ARHGEF11: variants seen among roughly 807,000 people sequenced by gnomAD.
The protein encoded by ARHGEF11 is Rho guanine exchange factor (GEF) 11.
A neutral mutation model predicts 193.7 loss-of-function variants in ARHGEF11; 55 were observed. That is an observed-to-expected ratio of 0.28 (90% CI 0.23 to 0.36). ARHGEF11 has a LOEUF of 0.36. Among genes scored for constraint, ARHGEF11 ranks in the 10% least tolerant of loss-of-function variants. ARHGEF11 has a pLI of 1.00. For synonymous variants in ARHGEF11, 693 were observed against 768.0 expected, an observed-to-expected ratio of 0.90 and a Z score of 1.62; for missense variants, 1,723 against 2,005.6, an observed-to-expected ratio of 0.86 and a Z score of 2.69.
rs199728828 is a variant in ARHGEF11 at position 156,936,024 on chromosome 1, G to C, written c.4665C>G (p.Asp1555Glu). ...SDAPLEDSTA[D>E]AAASPGP is the part of the protein sequence containing the mutation. ...GTTATGGTCCTGGTGACGCGGCTGC[G>C]TCTGCTGTGCTGTCTTCCAGGGGGG... Residue 1555 changes from aspartate to glutamate, a missense_variant, in exon 41 of 41, where the codon GAC (aspartate) becomes GAG (glutamate). Physicochemically the swap from Asp to Glu is conservative, Grantham distance 45 (BLOSUM62 2). Around this residue, in one of 5 missense-constraint regions of ARHGEF11, gnomAD observed 360 missense variants for 344.4 expected, o/e 1.05. Coordinates refer to ENST00000368194, the MANE Select transcript of ARHGEF11 (RefSeq NM_198236.3). 1.2e-6 allele frequency: 2 copies of C among 1,613,836 alleles called. No individual in the cohort carries two copies. The highest frequency in any genetic ancestry group is 1.7e-6 in the Non-Finnish European group (2 of 1,179,802).
In ARHGEF11 at chr1:156,935,144, T is replaced by C. The variant is rs1485642390; in HGVS notation, c.*856A>G. 6.6e-6 allele frequency: 1 copy of C among 152,518 alleles called. No homozygotes were observed. The highest frequency in any genetic ancestry group is 2.4e-5 in the African/African-American group (1 of 41,384). The allele number at this position is 152,518 out of a possible 1,614,324, so 9.4% of individuals were successfully genotyped here. ...GTCCCCACCTCCTGGGGCCCAGTCC[T>C]CAGCTCCGTACCTGCTTCACTGGTT... On this transcript the variant is annotated 3_prime_UTR_variant, in exon 41 of 41. Coordinates refer to ENST00000368194, the MANE Select transcript of ARHGEF11 (RefSeq NM_198236.3).
Position 157,044,645 on chromosome 1 carries a change from T to C in ARHGEF11, c.-315A>G. The C allele has an allele frequency of 4.1e-6, 2 of 487,652 alleles. No individual in the cohort carries two copies. The highest frequency in any genetic ancestry group is 3.6e-5 in the Admixed American group (1 of 27,948). 30.2% of individuals were successfully genotyped at this position (487,652 alleles called of 1,614,324 possible). On this transcript the variant is annotated 5_prime_UTR_variant, in exon 1 of 41. Coordinates refer to ENST00000368194, the MANE Select transcript of ARHGEF11 (RefSeq NM_198236.3). ...ACCAAAAACCCAGCCACGAATCTCT[T>C]CAAGGTTAGCACTATGGCCAAAAAA... is the stretch of plus-strand genomic sequence containing the variant.
intron 7 of ARHGEF11, among the ~76,000 whole-genome samples, chr1:156,974,572 T>C (rs944604956): frequency 2.0e-5 from 3 of 152,234 alleles, no homozygotes; most frequent in African/African-American, 7.2e-5. Flanking sequence ...GTCTCTAGTA[T>C]ATTCACGGAG....
chr1:157,019,733 G>A (rs1222160086), intron 1 of ARHGEF11, among the ~76,000 whole-genome samples: 2 of 152,112 alleles, frequency 1.3e-5, no homozygotes, highest in Non-Finnish European at 2.9e-5. Context: ...CAAAATAATT[G>A]TGTTGGTTGA....
intron 1 of ARHGEF11, among the ~76,000 whole-genome samples, chr1:156,987,171 G>A (rs1665047931): frequency 6.6e-6 from 1 of 152,248 alleles, no homozygotes; most frequent in South Asian, 2.1e-4. Context: ...CCCTCAGAAA[G>A]GGGCAATTCC....
chr1:156,960,015 C>G (rs1331909607), intron 15 of ARHGEF11, among the ~76,000 whole-genome samples: 1 of 140,098 alleles, frequency 7.1e-6, no homozygotes, highest in Non-Finnish European at 1.5e-5. Context: ...GCCCTAGTTT[C>G]TGTATTTTTT....
In ARHGEF11 at chr1:156,935,921, C is replaced by A. The variant is rs1654956714; in HGVS notation, c.*79G>T. 6.9e-7 allele frequency: 1 copy of A among 1,457,460 alleles called. No individual in the cohort carries two copies. Among genetic ancestry groups the A allele is most frequent in the South Asian group, 1.3e-5 (1 of 75,006 alleles). 90.3% of individuals were successfully genotyped at this position (1,457,460 alleles called of 1,614,324 possible). On this transcript the variant is annotated 3_prime_UTR_variant, in exon 41 of 41. Transcript: ENST00000368194. ...CCTCCACAGGGAGGAGTGTTGGGATCCCCCCTACCCTGTGCCCCGGTCTCA... is the reference window on the plus strand; with the variant it reads ...CCTCCACAGGGAGGAGTGTTGGGATACCCCCTACCCTGTGCCCCGGTCTCA...
chr1:156,968,330 T>C (rs1373170005), intron 10 of ARHGEF11, among the ~76,000 whole-genome samples: 3 of 152,224 alleles, frequency 2.0e-5, no homozygotes, highest in East Asian at 3.8e-4. Context: ...TAGATACTAT[T>C]ATTCGTCCCA....
chr1:156,981,350 T>A (rs1303461500), intron 3 of ARHGEF11, among the ~76,000 whole-genome samples: 1 of 152,096 alleles, frequency 6.6e-6, no homozygotes, highest in Non-Finnish European at 1.5e-5. Flanking sequence ...GCCCAGTTTC[T>A]CCCTTTAAAA....
At chr1:156,942,848 G>C in intron 32 of ARHGEF11, 68 bp from the exon 33 acceptor site, 4 of 1,350,804 alleles carry the variant, frequency 3.0e-6, no homozygotes, top group Admixed American at 1.7e-5. Context: ...GCCTGGGCCA[G>C]GGTGACAGAG....
Position 156,935,420 on chromosome 1 carries a change from G to A in ARHGEF11, c.*580C>T, listed in dbSNP as rs979532190. ...TGGGTTGTTAACTAAGGAGATACAA[G>A]TGAAACCCCTCTTCCCTAAGCAGCT... On this transcript the variant is annotated 3_prime_UTR_variant, in exon 41 of 41. Transcript: ENST00000368194. 2 of 152,268 alleles carry A rather than the reference G, an allele frequency of 1.3e-5. No individual in the cohort carries two copies. Among genetic ancestry groups the A allele is most frequent in the Admixed American group, 1.3e-4 (2 of 15,292 alleles). 9.4% of individuals were successfully genotyped at this position (152,268 alleles called of 1,614,324 possible). A position where few individuals can be genotyped will look rare whatever the true frequency, so the allele number is the denominator to read the frequency against.
Position 156,942,673 on chromosome 1 carries a change from C to T in ARHGEF11, c.3326+17G>A. 6.2e-7 allele frequency: 1 copy of T among 1,610,870 alleles called. No individual in the cohort carries two copies. The highest frequency in any genetic ancestry group is 8.5e-7 in the Non-Finnish European group (1 of 1,177,208). ...AAAGGGACCACAGTTACGGGTAACC[C>T]CTCAATCAATTCTCACGTGTTCTTG... On this transcript the variant is annotated intron_variant, in intron 33 of 40. Coordinates refer to ENST00000368194, the MANE Select transcript of ARHGEF11 (RefSeq NM_198236.3).
chr1:156,967,139 A>G (rs77324424), intron 11 of ARHGEF11, among the ~76,000 whole-genome samples: 5,304 of 152,286 alleles, frequency 0.035, 313 homozygotes, highest in African/African-American at 0.12. Context: ...TTAGTGTTAC[A>G]TTTACTCTAC....
chr1:156,967,024 A>C (rs141115952), intron 11 of ARHGEF11, among the ~76,000 whole-genome samples: 368 of 152,346 alleles, frequency 2.4e-3, no homozygotes, highest in African/African-American at 8.4e-3. Context: ...AGATGTCTTA[A>C]GAAAGAGGCT....
At chr1:156,987,213 G>A (rs1571371646) in intron 1 of ARHGEF11, among the ~76,000 whole-genome samples, 1 of 152,340 alleles carries the variant, frequency 6.6e-6, no homozygotes, top group Admixed American at 6.5e-5. Context: ...CTAAGTAGAA[G>A]GCTACTCATG....
At chr1:157,027,498 G>A (rs1186055406) in intron 1 of ARHGEF11, among the ~76,000 whole-genome samples, 2 of 152,172 alleles carry the variant, frequency 1.3e-5, no homozygotes, top group Non-Finnish European at 2.9e-5. Flanking sequence ...CCTACATGGT[G>A]AGAGCTATAG....
chr1:156,979,913 A>G (rs1663879847), intron 4 of ARHGEF11, among the ~76,000 whole-genome samples: 1 of 152,240 alleles, frequency 6.6e-6, no homozygotes, highest in Admixed American at 6.5e-5. Flanking sequence ...CCACTGACCC[A>G]GTGTGCTTCC....
At chr1:157,035,926 T>G (rs1419294243) in intron 1 of ARHGEF11, among the ~76,000 whole-genome samples, 1 of 89,820 alleles carries the variant, frequency 1.1e-5, no homozygotes, top group East Asian at 2.4e-4. Context: ...TATAGGAATA[T>G]ATATATATGA....
intron 29 of ARHGEF11, chr1:156,945,707 T>G: frequency 3.5e-6 from 1 of 289,064 alleles, no homozygotes; most frequent in Non-Finnish European, 6.6e-6. Flanking sequence ...GCAGGGGGCA[T>G]GAATGGGGAT....
Sources: gnomAD v4.1 joint callset for allele counts (sites outside exome capture counted in the v4.1 genomes callset) on GRCh38, gnomAD v4.1.1 for gene constraint, gnomAD v4.1.1 regional missense constraint, MANE v1.5 for transcripts, NCBI Gene and HGNC (gene_info 2026-07-23, HGNC 2026-07-21) for gene names.